FSTL5: variants seen among roughly 807,000 people sequenced by gnomAD.
FSTL5 encodes the protein follistatin like 5, also known as follistatin-related protein 5.
In FSTL5, 62 loss-of-function variants were observed where a neutral mutation model predicts 89.1. That is an observed-to-expected ratio of 0.70 (90% confidence interval 0.57 to 0.86). FSTL5 has a LOEUF of 0.86. FSTL5 is among the 40% of genes least tolerant of loss of function. The pLI, the probability that FSTL5 is intolerant of heterozygous loss-of-function variation, is 0.00. For synonymous variants in FSTL5, 383 were observed against 346.2 expected, an observed-to-expected ratio of 1.11 and a Z score of -1.18; for missense variants, 1,057 against 1,001.6, an observed-to-expected ratio of 1.06 and a Z score of -0.75.
chr4:161,980,839 C>T lies in FSTL5; in HGVS notation c.160+52786G>A, dbSNP rs187048225. ...TCACCCAGGCTGTAGTGCAATGGCG[C>T]GATCTCGGCACACTGCAACCTCCAC... On this transcript the variant is annotated intron_variant, in intron 3 of 15. Coordinates refer to ENST00000306100, the MANE Select transcript of FSTL5 (RefSeq NM_020116.5). 1.0e-2 allele frequency among the ~76,000 whole-genome samples: 1,349 copies of T among 135,550 alleles called. 21 individuals are homozygous for T. Among genetic ancestry groups the T allele is most frequent in the African/African-American group, 0.034 (1,221 of 35,626 alleles). 88.9% of individuals were successfully genotyped at this position (135,550 alleles called of 152,430 possible). A position where few individuals can be genotyped will look rare whatever the true frequency, so the allele number is the denominator to read the frequency against.
intron 6 of FSTL5, among the ~76,000 whole-genome samples, chr4:161,748,408 C>G (rs1028796457): frequency 6.6e-6 from 1 of 151,918 alleles, no homozygotes; most frequent in Non-Finnish European, 1.5e-5. Context: ...TTTTTCAAAC[C>G]TTTAAATAAT....
intron 1 of FSTL5, among the ~76,000 whole-genome samples, chr4:162,157,888 C>G (rs1282081404): frequency 6.6e-6 from 1 of 152,040 alleles, no homozygotes; most frequent in African/African-American, 2.4e-5. Flanking sequence ...TATATGAAAA[C>G]AAAGAGCAAC....
intron 1 of FSTL5, among the ~76,000 whole-genome samples, chr4:162,153,120 T>C (rs1733295636): frequency 6.6e-6 from 1 of 152,148 alleles, no homozygotes; most frequent in Admixed American, 6.6e-5. Flanking sequence ...TGAGTAGATG[T>C]TCAGTATTCA....
chr4:161,995,193 AATG>A (rs1166637994), intron 3 of FSTL5, among the ~76,000 whole-genome samples: 2 of 152,194 alleles, frequency 1.3e-5, no homozygotes, highest in Admixed American at 6.6e-5. Flanking sequence ...GTAGTTAAAA[AATG>A]ATAATGTTAA....
At chr4:161,717,718 G>T (rs1371404215) in intron 6 of FSTL5, among the ~76,000 whole-genome samples, 2 of 151,898 alleles carry the variant, frequency 1.3e-5, no homozygotes, top group East Asian at 3.9e-4. Context: ...TTATAAATGT[G>T]TTTTCATTAT....
chr4:161,790,726 C>T (rs1355658075), intron 4 of FSTL5, among the ~76,000 whole-genome samples: 2 of 152,168 alleles, frequency 1.3e-5, no homozygotes, highest in Non-Finnish European at 2.9e-5. Context: ...AATTGCTAGA[C>T]AAGTAAACCA....
intron 10 of FSTL5, among the ~76,000 whole-genome samples, chr4:161,514,419 AT>A (rs1391709545): frequency 6.6e-6 from 1 of 152,178 alleles, no homozygotes; most frequent in Non-Finnish European, 1.5e-5. Context: ...GAGCTAGAAA[AT>A]GGGTTCACAT....
chr4:161,406,342 G>A (rs1447913469), intron 15 of FSTL5, among the ~76,000 whole-genome samples: 1 of 152,012 alleles, frequency 6.6e-6, no homozygotes. Flanking sequence ...TTCTTTTAGT[G>A]ATTTCTATTT....
chr4:161,542,715 A>G, intron 8 of FSTL5, 22 bp from the exon 9 acceptor site: 2 of 1,397,104 alleles, frequency 1.4e-6, no homozygotes, highest in South Asian at 3.7e-5. Flanking sequence ...AATGAAAGAG[A>G]AAGTGAATTA....
chr4:162,104,596 A>C (rs1016508590), intron 2 of FSTL5, among the ~76,000 whole-genome samples: 1 of 152,220 alleles, frequency 6.6e-6, no homozygotes, highest in Non-Finnish European at 1.5e-5. Context: ...TATGGTGTGC[A>C]CTAGTGTAAC....
rs375093068 is a variant in FSTL5, at chr4:161,649,301, A to G, written c.894+7027T>C. On this transcript the variant is annotated intron_variant, in intron 7 of 15. Transcript: ENST00000306100. ...CAAACTGTTTACGAAACTGATGTTT[A>G]TACTTCTTTTTAAGACAGTTGAGGT... 1.1e-4 allele frequency among the ~76,000 whole-genome samples: 16 copies of G among 152,318 alleles called. No homozygotes were observed. The South Asian group carries it at 2.9e-3, about 28-fold the overall frequency.
intron 6 of FSTL5, among the ~76,000 whole-genome samples, chr4:161,668,623 A>AT (rs1736978424): frequency 6.6e-6 from 1 of 152,216 alleles, no homozygotes; most frequent in South Asian, 2.1e-4. Flanking sequence ...TCAACAAAAT[A>AT]TTAGCTAATA....
chr4:161,864,103 T>C (rs1041205010), intron 4 of FSTL5, among the ~76,000 whole-genome samples: 1 of 152,210 alleles, frequency 6.6e-6, no homozygotes, highest in African/African-American at 2.4e-5. Context: ...ATTTTAAACT[T>C]ATCCTTTAGA....
intron 6 of FSTL5, among the ~76,000 whole-genome samples, chr4:161,685,762 A>G (rs1737688915): frequency 6.6e-6 from 1 of 152,036 alleles, no homozygotes; most frequent in African/African-American, 2.4e-5. Flanking sequence ...TCTTTCTCTT[A>G]TCTGATTACC....
At chr4:162,034,718 A>AGAACT (rs1257798805) in intron 2 of FSTL5, among the ~76,000 whole-genome samples, 1 of 152,216 alleles carries the variant, frequency 6.6e-6, no homozygotes, top group African/African-American at 2.4e-5. Flanking sequence ...ACTGAACTGC[A>AGAACT]GAACTGTATG....
rs1029777097 is a variant in FSTL5 at position 161,857,186 on chromosome 4, T to C, written c.409+63218A>G. ...TCAAAAGACACTGCTACAGTAAAGGTGAGAGGTGGAAGTTACTTGGACTAG... is the reference window on the plus strand; with the variant it reads ...TCAAAAGACACTGCTACAGTAAAGGCGAGAGGTGGAAGTTACTTGGACTAG... On this transcript the variant is annotated intron_variant, in intron 4 of 15. Transcript: ENST00000306100. 4.6e-5 allele frequency among the ~76,000 whole-genome samples: 7 copies of C among 151,890 alleles called. No individual in the cohort carries two copies. The East Asian group carries it at 1.4e-3, about 29-fold the overall frequency.
chr4:161,830,984 A>C (rs1039256545), intron 4 of FSTL5, among the ~76,000 whole-genome samples: 37 of 151,952 alleles, frequency 2.4e-4, no homozygotes, highest in Non-Finnish European at 5.9e-5. Flanking sequence ...GATACTTAGA[A>C]TACTTGAAAA....
chr4:161,964,015 G>T (rs1196922852), intron 3 of FSTL5, among the ~76,000 whole-genome samples: 1 of 151,904 alleles, frequency 6.6e-6, no homozygotes, highest in Non-Finnish European at 1.5e-5. Flanking sequence ...ATAATAAAAA[G>T]TAATTTTAAG....
In FSTL5 at chr4:161,538,195, A is replaced by T. The variant is rs1731697977; in HGVS notation, c.1283T>A (p.Leu428His). The change falls in exon 10 of 16, where the codon CTT (leucine) becomes CAT (histidine). Residue 428 changes from leucine (L) to histidine (H), a missense_variant. Physicochemically the swap from Leu to His is moderately conservative, Grantham distance 99. Coordinates refer to ENST00000306100, the MANE Select transcript of FSTL5 (RefSeq NM_020116.5). ...EAGVDEDISS[L>H]FVEDSARKTL... is the part of the protein sequence containing the mutation. Reference sequence around the variant, plus strand: ...CTTTCTAGCAGAGTCTTCCACAAAAAGAGAAGAGATGTCTTCATCCACTCC... The same window carrying T: ...CTTTCTAGCAGAGTCTTCCACAAAATGAGAAGAGATGTCTTCATCCACTCC... 6.2e-7 allele frequency: 1 copy of T among 1,613,960 alleles called. No individual in the cohort carries two copies. The highest frequency in any genetic ancestry group is 1.7e-5 in the Admixed American group (1 of 59,992).
Sources: gnomAD v4.1 joint callset for allele counts (sites outside exome capture counted in the v4.1 genomes callset) on GRCh38, gnomAD v4.1.1 for gene constraint, MANE v1.5 for transcripts, NCBI Gene and HGNC (gene_info 2026-07-23, HGNC 2026-07-21) for gene names.